The following SLC24A3 variants were observed in gnomAD, a reference collection of about 807,000 sequenced individuals.
The protein encoded by SLC24A3 is solute carrier family 24 member 3, also known as sodium/potassium/calcium exchanger 3.
SLC24A3 carries 28 observed loss-of-function variants against 75.8 expected under a neutral mutation model. That is an observed-to-expected ratio of 0.37 (90% CI 0.27 to 0.51). SLC24A3 has a LOEUF of 0.51. Ranked by LOEUF, SLC24A3 falls within the 20% of genes least tolerant of loss-of-function variation. SLC24A3 has a pLI of 0.94. For missense variants in SLC24A3, 663 were observed against 847.8 expected, an observed-to-expected ratio of 0.78 and a Z score of 2.71; for synonymous variants, 372 against 334.1, an observed-to-expected ratio of 1.11 and a Z score of -1.24.
chr20:19,542,322 T>G (rs1180979582), intron 3 of SLC24A3, among the ~76,000 whole-genome samples: 1 of 152,224 alleles, frequency 6.6e-6, no homozygotes, highest in Non-Finnish European at 1.5e-5. Flanking sequence ...AAGCTGCTGG[T>G]CGTCATTTTG....
chr20:19,696,748 TG>T, intron 13 of SLC24A3, 48 bp from the exon 14 acceptor site: 2 of 1,318,802 alleles, frequency 1.5e-6, no homozygotes, highest in Non-Finnish European at 2.2e-6. Flanking sequence ...CATGGGCAGG[TG>T]GGGCTTGAGG....
intron 6 of SLC24A3, among the ~76,000 whole-genome samples, chr20:19,625,514 A>G (rs2031855976): frequency 6.6e-6 from 1 of 152,188 alleles, no homozygotes; most frequent in Non-Finnish European, 1.5e-5. Context: ...GTTATTGCCA[A>G]CTCAATATCA....
chr20:19,425,914 G>A (rs1054878230), intron 2 of SLC24A3, among the ~76,000 whole-genome samples: 5 of 152,110 alleles, frequency 3.3e-5, no homozygotes, highest in South Asian at 2.1e-4. Context: ...TCAGTTTTGC[G>A]CACTTCCAGG....
intron 2 of SLC24A3, among the ~76,000 whole-genome samples, chr20:19,326,563 CTTTCT>C (rs1363479428): frequency 2.0e-5 from 3 of 149,542 alleles, no homozygotes; most frequent in African/African-American, 4.9e-5. Flanking sequence ...TCAGTTTTTT[CTTTCT>C]TTTCTTTTCT....
intron 2 of SLC24A3, among the ~76,000 whole-genome samples, chr20:19,460,507 C>T (rs1192102318): frequency 6.6e-6 from 1 of 152,124 alleles, no homozygotes; most frequent in African/African-American, 2.4e-5. Context: ...AGACTTTTAG[C>T]ATGATTTCTT....
chr20:19,542,255 T>C (rs1048515599), intron 3 of SLC24A3, among the ~76,000 whole-genome samples: 3 of 152,214 alleles, frequency 2.0e-5, no homozygotes, highest in Non-Finnish European at 4.4e-5. Context: ...TGCATGCATA[T>C]GTTTACTAGG....
Position 19,295,682 on chromosome 20 carries a change from C to G in SLC24A3, c.271+14595C>G, listed in dbSNP as rs147895645. On this transcript the variant is annotated intron_variant, in intron 2 of 16. Coordinates refer to ENST00000328041, the MANE Select transcript of SLC24A3 (RefSeq NM_020689.4). ...TATTGACTTGCATATGTTGAACCAGCCTTGCATCAGGGATGAAGCTGAATT... is the reference window on the plus strand; with the variant it reads ...TATTGACTTGCATATGTTGAACCAGGCTTGCATCAGGGATGAAGCTGAATT... Among the ~76,000 whole-genome samples the G allele has an allele frequency of 5.1e-4, 78 of 152,294 alleles. 1 individual carries two copies. The East Asian group carries it at 0.013, about 26-fold the overall frequency.
chr20:19,220,073 C>G (rs1189857618), intron 1 of SLC24A3, among the ~76,000 whole-genome samples: 2 of 152,194 alleles, frequency 1.3e-5, no homozygotes, highest in Non-Finnish European at 2.9e-5. Flanking sequence ...ATCCATGGAC[C>G]ATGGAGCATG....
intron 6 of SLC24A3, among the ~76,000 whole-genome samples, chr20:19,623,726 T>G (rs944694868): frequency 1.3e-5 from 2 of 152,202 alleles, no homozygotes; most frequent in Admixed American, 1.3e-4. Context: ...GAGCAGCTGC[T>G]CTAGAAACTA....
At chr20:19,654,641 C>CT (rs34507566) in intron 7 of SLC24A3, among the ~76,000 whole-genome samples, 3,266 of 89,930 alleles carry the variant, frequency 0.036, 57 homozygotes, top group Non-Finnish European at 0.042. Context: ...AAATAGAATC[C>CT]TTTTTTTTTT....
At chr20:19,519,642 T>C (rs2030065008) in intron 3 of SLC24A3, among the ~76,000 whole-genome samples, 2 of 152,238 alleles carry the variant, frequency 1.3e-5, no homozygotes, top group South Asian at 4.1e-4. Flanking sequence ...TAATCTATTA[T>C]AACATTGAAA....
intron 2 of SLC24A3, among the ~76,000 whole-genome samples, chr20:19,505,812 C>G (rs1416441951): frequency 6.6e-6 from 1 of 152,208 alleles, no homozygotes; most frequent in African/African-American, 2.4e-5. Flanking sequence ...GAACCTTTCT[C>G]AGCTCTGGAG....
chr20:19,500,789 T>C (rs934736102), intron 2 of SLC24A3, among the ~76,000 whole-genome samples: 16 of 152,178 alleles, frequency 1.1e-4, no homozygotes. Flanking sequence ...CTTCTTCAAG[T>C]ACATGGTAAA....
chr20:19,453,947 C>A (rs1019888471), intron 2 of SLC24A3, among the ~76,000 whole-genome samples: 1 of 152,206 alleles, frequency 6.6e-6, no homozygotes, highest in Non-Finnish European at 1.5e-5. Context: ...TTACTGCAAG[C>A]GTATGAGCTA....
At chr20:19,682,786 T>C (rs2032629937) in intron 10 of SLC24A3, among the ~76,000 whole-genome samples, 1 of 152,216 alleles carries the variant, frequency 6.6e-6, no homozygotes, top group Admixed American at 6.5e-5. Flanking sequence ...GTTTCCAAGC[T>C]GCAAACAGAA....
intron 1 of SLC24A3, among the ~76,000 whole-genome samples, chr20:19,218,883 A>C (rs1433858177): frequency 1.3e-5 from 2 of 152,090 alleles, no homozygotes; most frequent in African/African-American, 4.8e-5. Context: ...TAGTACACAG[A>C]CTTTCATAAT....
At chr20:19,637,049 C>A (rs927269984) in intron 6 of SLC24A3, among the ~76,000 whole-genome samples, 1 of 152,300 alleles carries the variant, frequency 6.6e-6, no homozygotes, top group South Asian at 2.1e-4. Context: ...TGTAAAATCC[C>A]AGCACTTTGG....
chr20:19,513,737 A>T (rs114077135), intron 2 of SLC24A3, among the ~76,000 whole-genome samples: 8,506 of 84,322 alleles, frequency 0.1, 285 homozygotes, highest in Middle Eastern at 0.14. Context: ...CTTTTTTTTT[A>T]GAAAAAAAAA....
intron 1 of SLC24A3, among the ~76,000 whole-genome samples, chr20:19,222,429 GCTAT>G (rs2122133812): frequency 6.6e-6 from 1 of 152,202 alleles, no homozygotes; most frequent in African/African-American, 2.4e-5. Flanking sequence ...TCTCTGTTAT[GCTAT>G]CTAACTGGGC....
Sources: allele counts gnomAD v4.1 joint callset (sites outside exome capture counted in the v4.1 genomes callset), GRCh38; gene constraint gnomAD v4.1.1; transcripts MANE v1.5; gene names NCBI Gene and HGNC (gene_info 2026-07-23, HGNC 2026-07-21).